The following EDA variants were observed in gnomAD, a reference collection of about 807,000 sequenced individuals.
EDA encodes the protein ectodysplasin-A.
A neutral mutation model predicts 23.6 loss-of-function variants in EDA; 2 were observed. The observed-to-expected ratio is 0.08, with a 90% CI of 0.03 to 0.27. EDA has a LOEUF of 0.27. Among genes scored for constraint, EDA ranks in the 10% least tolerant of loss-of-function variants. The probability of loss-of-function intolerance (pLI) is 1.00; values close to 1 mark genes in which losing one functional copy is unlikely to be tolerated. For synonymous variants in EDA, 131 were observed against 132.0 expected, an observed-to-expected ratio of 0.99 and a Z score of 0.05; for missense variants, 229 against 324.2, an observed-to-expected ratio of 0.71 and a Z score of 2.26.
intron 1 of EDA, among the ~76,000 whole-genome samples, chrX:69,770,443 G>A (rs976698991): frequency 4.5e-5 from 5 of 112,056 alleles, no homozygotes; most frequent in Non-Finnish European, 7.5e-5. Flanking sequence ...TAGGTGTGCA[G>A]TGATATCTCA....
At chrX:69,709,458 A>G (rs959162790) in intron 1 of EDA, among the ~76,000 whole-genome samples, 6 of 111,909 alleles carry the variant, frequency 5.4e-5, no homozygotes, top group Non-Finnish European at 1.1e-4. Flanking sequence ...GTGGCACATC[A>G]GTTTTGACTC....
chrX:69,963,764 A>G (rs2019137400), intron 2 of EDA, among the ~76,000 whole-genome samples: 1 of 111,984 alleles, frequency 8.9e-6, no homozygotes, highest in South Asian at 3.8e-4. Flanking sequence ...TGTAATTGGT[A>G]TAGCTACCAA....
At chrX:69,884,959 C>A (rs2017805960) in intron 1 of EDA, among the ~76,000 whole-genome samples, 1 of 112,311 alleles carries the variant, frequency 8.9e-6, no homozygotes, top group South Asian at 3.7e-4. Flanking sequence ...ATTCCAATTT[C>A]TCCACATCAT....
At chrX:69,783,212 G>A (rs1438783572) in intron 1 of EDA, among the ~76,000 whole-genome samples, 1 of 111,503 alleles carries the variant, frequency 9.0e-6, no homozygotes, top group Non-Finnish European at 1.9e-5. Context: ...AATAGAGATG[G>A]TTTCCTAAAG....
intron 1 of EDA, among the ~76,000 whole-genome samples, chrX:69,698,781 C>A (rs950367155): frequency 3.6e-5 from 4 of 110,571 alleles, no homozygotes; most frequent in African/African-American, 1.3e-4. Flanking sequence ...TGTGGAGAAT[C>A]CATTTTATTC....
chrX:69,644,546 C>A (rs940321133), intron 1 of EDA, among the ~76,000 whole-genome samples: 2 of 111,378 alleles, frequency 1.8e-5, no homozygotes, highest in Non-Finnish European at 3.8e-5. Context: ...GATATAGGAT[C>A]ATGTCATCTG....
intron 1 of EDA, among the ~76,000 whole-genome samples, chrX:69,708,128 T>C (rs775254904): frequency 1.4e-4 from 16 of 111,848 alleles, no homozygotes; most frequent in African/African-American, 5.2e-4. Flanking sequence ...AGAAAAACTT[T>C]AGACAAACTA....
intron 1 of EDA, among the ~76,000 whole-genome samples, chrX:69,812,346 C>A (rs751682053): frequency 1.4e-4 from 16 of 112,419 alleles, no homozygotes; most frequent in African/African-American, 4.2e-4. Context: ...ATAAAGATTT[C>A]TTATCTGTCT....
intron 1 of EDA, among the ~76,000 whole-genome samples, chrX:69,844,273 G>A (rs2016961267): frequency 8.9e-6 from 1 of 111,996 alleles, no homozygotes; most frequent in African/African-American, 3.2e-5. Flanking sequence ...TTGAAAGACA[G>A]GCTCTGAAAA....
chrX:69,812,897 G>A (rs2015993666), intron 1 of EDA, among the ~76,000 whole-genome samples: 1 of 111,658 alleles, frequency 9.0e-6, no homozygotes, highest in Admixed American at 9.5e-5. Context: ...CTGTGGGACT[G>A]TATTTGATGC....
At position 69,712,963 on chromosome X, in the gene EDA, C is replaced by CA. The variant is rs1022790079; in HGVS notation, c.396+96266dup. Reference sequence around the variant, plus strand: ...CATTCTCAGCAAACTATTGCAGGGACAAAAAAACCAAACAGTGCATGTTCT... The same window carrying CA: ...CATTCTCAGCAAACTATTGCAGGGACAAAAAAAACCAAACAGTGCATGTTCT... On this transcript the variant is annotated intron_variant, in intron 1 of 7. Transcript: ENST00000374552. Among the ~76,000 whole-genome samples, 136 of 105,999 alleles carry CA rather than the reference C, an allele frequency of 1.3e-3. 1 individual carries two copies. The highest frequency in any genetic ancestry group is 2.1e-3 in the Non-Finnish European group (110 of 51,932). 92.0% of individuals were successfully genotyped at this position (105,999 alleles called of 115,157 possible). A position where few individuals can be genotyped will look rare whatever the true frequency, so the allele number is the denominator to read the frequency against.
At chrX:69,761,013 T>C (rs766439794) in intron 1 of EDA, among the ~76,000 whole-genome samples, 2 of 110,486 alleles carry the variant, frequency 1.8e-5, no homozygotes, top group Non-Finnish European at 1.9e-5. Flanking sequence ...TTAAAGCAGG[T>C]ATAGGAAAGC....
At chrX:69,769,085 T>A (rs1441964253) in intron 1 of EDA, among the ~76,000 whole-genome samples, 1 of 111,704 alleles carries the variant, frequency 9.0e-6, no homozygotes, top group Non-Finnish European at 1.9e-5. Context: ...TTGTTGAGAC[T>A]TGTTTCATGG....
At chrX:69,808,679 G>A (rs137864168) in intron 1 of EDA, among the ~76,000 whole-genome samples, 473 of 111,862 alleles carry the variant, frequency 4.2e-3, no homozygotes, top group African/African-American at 0.014. Context: ...TGATAGTGCC[G>A]TTGAGGTACC....
chrX:69,718,236 G>T (rs1343650864), intron 1 of EDA, among the ~76,000 whole-genome samples: 1 of 111,961 alleles, frequency 8.9e-6, no homozygotes, highest in Non-Finnish European at 1.9e-5. Flanking sequence ...CGTAGACATA[G>T]CATCTGCAAA....
chrX:69,747,442 G>A (rs1340761209), intron 1 of EDA, among the ~76,000 whole-genome samples: 1 of 112,687 alleles, frequency 8.9e-6, no homozygotes, highest in African/African-American at 3.2e-5. Flanking sequence ...GGATTTATAA[G>A]CCATGTACAA....
intron 1 of EDA, among the ~76,000 whole-genome samples, chrX:69,835,939 T>C (rs1416930349): frequency 8.9e-6 from 1 of 112,269 alleles, no homozygotes; most frequent in African/African-American, 3.2e-5. Context: ...TATTCCTTTC[T>C]GTTTGGTAGT....
intron 1 of EDA, among the ~76,000 whole-genome samples, chrX:69,830,063 C>T (rs947162613): frequency 9.0e-6 from 1 of 110,821 alleles, no homozygotes; most frequent in African/African-American, 3.3e-5. Flanking sequence ...TTCCATTAGT[C>T]TTCCGGCTCC....
At chrX:69,791,029 T>C (rs1398512952) in intron 1 of EDA, among the ~76,000 whole-genome samples, 1 of 111,854 alleles carries the variant, frequency 8.9e-6, no homozygotes, top group Non-Finnish European at 1.9e-5. Flanking sequence ...AGGGAAGATA[T>C]GCCTCCTTTA....
Sources: gnomAD v4.1 joint callset for allele counts (sites outside exome capture counted in the v4.1 genomes callset) on GRCh38, gnomAD v4.1.1 for gene constraint, MANE v1.5 for transcripts, NCBI Gene and HGNC (gene_info 2026-07-23, HGNC 2026-07-21) for gene names.